The following BCAR3 variants were observed in gnomAD, a reference collection of about 807,000 sequenced individuals.
BCAR3 encodes BCAR3 adaptor protein, NSP family member.
Under a neutral mutation model 80.1 loss-of-function variants are expected in BCAR3, and 37 were observed. The observed-to-expected ratio is 0.46, with a 90% confidence interval of 0.36 to 0.61. The LOEUF (loss-of-function observed/expected upper bound fraction) is 0.61. Among genes scored for constraint, BCAR3 ranks in the 20% least tolerant of loss-of-function variants. BCAR3 has a pLI of 0.00. For synonymous variants in BCAR3, 389 were observed against 418.9 expected, an observed-to-expected ratio of 0.93 and a Z score of 0.87; for missense variants, 978 against 1,068.2, an observed-to-expected ratio of 0.92 and a Z score of 1.18.
At chr1:93,728,382 G>A (rs1287281957) in intron 2 of BCAR3, among the ~76,000 whole-genome samples, 3 of 152,218 alleles carry the variant, frequency 2.0e-5, no homozygotes, top group Non-Finnish European at 4.4e-5. Context: ...GTGGGCGTGT[G>A]TTACAGGGTG....
upstream of BCAR3, chr1:93,848,051 A>G (rs968076098): frequency 6.3e-6 from 1 of 158,002 alleles, no homozygotes; most frequent in Non-Finnish European, 1.4e-5. Flanking sequence ...GGACGAGAAA[A>G]CACGCCTACG....
At chr1:93,594,042 C>T (rs779069866) in intron 3 of BCAR3, among the ~76,000 whole-genome samples, 1 of 152,182 alleles carries the variant, frequency 6.6e-6, no homozygotes, top group Non-Finnish European at 1.5e-5. Context: ...TATTGTACGG[C>T]TTCATCTGAA....
chr1:93,806,391 A>G (rs1476280291), intron 2 of BCAR3, among the ~76,000 whole-genome samples: 2 of 152,240 alleles, frequency 1.3e-5, no homozygotes, highest in African/African-American at 2.4e-5. Context: ...AAAGCTGGAT[A>G]GGACTAACAT....
intron 2 of BCAR3, among the ~76,000 whole-genome samples, chr1:93,660,086 T>C (rs924677415): frequency 2.0e-5 from 3 of 149,164 alleles, no homozygotes; most frequent in Admixed American, 2.0e-4. Flanking sequence ...GTGTGTGTTT[T>C]CTCTAATACG....
At chr1:93,655,025 G>A (rs1450747879) in intron 2 of BCAR3, among the ~76,000 whole-genome samples, 2 of 152,206 alleles carry the variant, frequency 1.3e-5, no homozygotes, top group Non-Finnish European at 2.9e-5. Context: ...TTTGCACATG[G>A]CAGTTGCCCA....
intron 3 of BCAR3, among the ~76,000 whole-genome samples, chr1:93,699,850 C>A (rs950851464): frequency 1.2e-4 from 18 of 152,162 alleles, no homozygotes; most frequent in Admixed American, 1.2e-3. Flanking sequence ...CACATACACA[C>A]AGTACAAATG....
At chr1:93,836,544 C>T (rs940335260) in intron 2 of BCAR3, among the ~76,000 whole-genome samples, 1 of 152,110 alleles carries the variant, frequency 6.6e-6, no homozygotes, top group Non-Finnish European at 1.5e-5. Context: ...AGTTCCCACA[C>T]CACCCCTAAT....
intron 2 of BCAR3, among the ~76,000 whole-genome samples, chr1:93,810,875 T>C (rs917667484): frequency 6.6e-6 from 1 of 152,210 alleles, no homozygotes; most frequent in Non-Finnish European, 1.5e-5. Flanking sequence ...GGTTCATTGG[T>C]TCATCTTACA....
At chr1:93,706,659 A>G (rs1649836511) in intron 2 of BCAR3, among the ~76,000 whole-genome samples, 1 of 152,212 alleles carries the variant, frequency 6.6e-6, no homozygotes, top group Non-Finnish European at 1.5e-5. Context: ...TTACCTCATA[A>G]AGTTATTATG....
intron 3 of BCAR3, among the ~76,000 whole-genome samples, chr1:93,690,911 G>A (rs185285509): frequency 6.6e-6 from 1 of 152,272 alleles, no homozygotes; most frequent in East Asian, 1.9e-4. Context: ...GAGTGGAAAG[G>A]GGGAACTTGG....
intron 2 of BCAR3, among the ~76,000 whole-genome samples, chr1:93,653,034 G>A (rs951123461): frequency 2.0e-5 from 3 of 152,200 alleles, no homozygotes; most frequent in Non-Finnish European, 4.4e-5. Flanking sequence ...ATCTGTAAGT[G>A]TTTGTTATTT....
At chr1:93,675,649 C>T (rs992955571) in intron 1 of BCAR3, among the ~76,000 whole-genome samples, 1 of 151,624 alleles carries the variant, frequency 6.6e-6, no homozygotes, top group South Asian at 2.1e-4. Flanking sequence ...CCCATGGGTG[C>T]CTGTACAGTC....
At chr1:93,782,444 G>A (rs1202900006) in intron 2 of BCAR3, among the ~76,000 whole-genome samples, 1 of 152,220 alleles carries the variant, frequency 6.6e-6, no homozygotes, top group East Asian at 1.9e-4. Flanking sequence ...ATCTTCAGCA[G>A]TGCTGATACT....
chr1:93,807,243 T>A (rs964068757), intron 2 of BCAR3, among the ~76,000 whole-genome samples: 2 of 151,662 alleles, frequency 1.3e-5, no homozygotes, highest in African/African-American at 4.9e-5. Context: ...AAAAGACAGA[T>A]GAATAGGAGA....
chr1:93,753,339 C>G (rs1651630005), intron 2 of BCAR3: 1 of 152,188 alleles, frequency 6.6e-6, no homozygotes, highest in Non-Finnish European at 1.5e-5. Context: ...ACGTTGACAT[C>G]TCAAGGAAAT....
rs375102218 is a variant in BCAR3, at chr1:93,637,570, G to A, written c.357+4734C>T. Among the ~76,000 whole-genome samples, 23 of 152,236 alleles carry A rather than the reference G, an allele frequency of 1.5e-4. 1 individual carries two copies. In the South Asian group the frequency reaches 4.6e-3, roughly 30 times the overall value. On this transcript the variant is annotated intron_variant, in intron 3 of 11. Coordinates refer to ENST00000260502, the MANE Select transcript of BCAR3 (RefSeq NM_003567.4). Reference sequence around the variant, plus strand: ...GTGATAAAGAGTGGAAGTGAGCCTAGGCTTCATAGGTTGAAAGGGGGTTAC... The same window carrying A: ...GTGATAAAGAGTGGAAGTGAGCCTAAGCTTCATAGGTTGAAAGGGGGTTAC...
intron 2 of BCAR3, among the ~76,000 whole-genome samples, chr1:93,708,155 C>CAT (rs1037888280): frequency 6.6e-6 from 1 of 152,188 alleles, no homozygotes; most frequent in African/African-American, 2.4e-5. Flanking sequence ...CTACTGCTCA[C>CAT]TTATATAGAA....
intron 2 of BCAR3, among the ~76,000 whole-genome samples, chr1:93,668,797 C>T (rs771110127): frequency 8.6e-5 from 13 of 151,778 alleles, no homozygotes; most frequent in Non-Finnish European, 1.5e-4. Flanking sequence ...CTAAAACCTC[C>T]GCCTCCTGAG....
chr1:93,711,086 G>A (rs1440668795), intron 2 of BCAR3, among the ~76,000 whole-genome samples: 3 of 152,218 alleles, frequency 2.0e-5, no homozygotes, highest in Non-Finnish European at 4.4e-5. Context: ...TGAATGATAA[G>A]AAAGAGAGAG....
Sources: allele counts gnomAD v4.1 joint callset (sites outside exome capture counted in the v4.1 genomes callset), GRCh38; gene constraint gnomAD v4.1.1; transcripts MANE v1.5; gene names NCBI Gene and HGNC (gene_info 2026-07-23, HGNC 2026-07-21).